ADAM28: variants seen among roughly 807,000 people sequenced by gnomAD.
ADAM28 encodes ADAM metallopeptidase domain 28, also known as disintegrin and metalloproteinase domain-containing protein 28.
Under a neutral mutation model 101.2 loss-of-function variants are expected in ADAM28, and 105 were observed. The ratio of observed to expected loss-of-function variants is 1.04; its 90% confidence interval spans 0.89 to 1.22. The LOEUF (loss-of-function observed/expected upper bound fraction) is 1.22. Among genes scored for constraint, ADAM28 ranks in the 50% most tolerant of loss-of-function variants. ADAM28 has a pLI of 0.00. For missense variants in ADAM28, 1,028 were observed against 945.4 expected, an observed-to-expected ratio of 1.09 and a Z score of -1.15; for synonymous variants, 322 against 310.6, an observed-to-expected ratio of 1.04 and a Z score of -0.39.
At position 24,354,615 on chromosome 8, in the gene ADAM28, C is replaced by CAATT. The variant is rs1816551929; in HGVS notation, c.*213_*216dup. 2 of 427,598 alleles carry CAATT rather than the reference C, an allele frequency of 4.7e-6. No individual in the cohort carries two copies. The allele number at this position is 427,598 out of a possible 1,614,324, so 26.5% of individuals were successfully genotyped here. A position where few individuals can be genotyped will look rare whatever the true frequency, so the allele number is the denominator to read the frequency against. On this transcript the variant is annotated 3_prime_UTR_variant, in exon 23 of 23. Transcript: ENST00000265769. ...GAACCTTTGCATGAATTTAAAATTT[C>CAATT]AATTATCCATTCTTATAAGAAGGAA... is the stretch of plus-strand genomic sequence containing the variant.
intron 9 of ADAM28, among the ~76,000 whole-genome samples, chr8:24,325,486 C>T (rs888171189): frequency 1.9e-4 from 29 of 151,596 alleles, no homozygotes; most frequent in African/African-American, 5.1e-4. Flanking sequence ...CCAAAATGAA[C>T]GAAATGTTAT....
chr8:24,317,963 G>A (rs1319423995), intron 6 of ADAM28, among the ~76,000 whole-genome samples: 2 of 152,154 alleles, frequency 1.3e-5, no homozygotes, highest in Non-Finnish European at 1.5e-5. Context: ...AGCAAAGAAA[G>A]GTTTGAGAAT....
At chr8:24,316,834 A>G (rs1249199866) in intron 6 of ADAM28, among the ~76,000 whole-genome samples, 1 of 152,050 alleles carries the variant, frequency 6.6e-6, no homozygotes. Flanking sequence ...ACTCCACTGA[A>G]AAACCATTAA....
intron 1 of ADAM28, among the ~76,000 whole-genome samples, chr8:24,299,174 A>C (rs1808377137): frequency 6.6e-6 from 1 of 152,212 alleles, no homozygotes; most frequent in African/African-American, 2.4e-5. Context: ...GCTTGGTGAC[A>C]GAGTGAGACA....
chr8:24,337,813 A>T (rs1814278098), intron 14 of ADAM28, among the ~76,000 whole-genome samples: 1 of 152,240 alleles, frequency 6.6e-6, no homozygotes, highest in African/African-American at 2.4e-5. Context: ...CCCACAAATC[A>T]ATTCTAATTC....
At chr8:24,325,051 C>G (rs1812359701) in intron 9 of ADAM28, 1 of 151,880 alleles carries the variant, frequency 6.6e-6, no homozygotes, top group South Asian at 2.1e-4. Context: ...AGGGGGTCAC[C>G]TTTGGGAAGC....
At position 24,326,520 on chromosome 8, in the gene ADAM28, T is replaced by C. The variant is rs150902125; in HGVS notation, c.891-34T>C. ...TCTATAAAAATAGAGCTTAGCATTA[T>C]AATTTGTTACATCAATTTATTCCTT... On this transcript the variant is annotated intron_variant, in intron 9 of 22. Transcript: ENST00000265769. The C allele has an allele frequency of 4.8e-3, 7,686 of 1,593,856 alleles. 35 individuals carry two copies. Among genetic ancestry groups the C allele is most frequent in the Non-Finnish European group, 6.0e-3 (7,011 of 1,163,354 alleles).
Position 24,351,973 on chromosome 8 carries a change from G to A in ADAM28, c.2179-14G>A, listed in dbSNP as rs199916509. On this transcript the variant is annotated splice_polypyrimidine_tract_variant and intron_variant, in intron 20 of 22. Coordinates refer to ENST00000265769, the MANE Select transcript of ADAM28 (RefSeq NM_014265.6). The stretch of plus-strand genomic sequence containing the variant: ...ACTAATGGTTCATTTTGAAATATTC[G>A]TTCTTCTTTTCAGATGAGTCAGATG... 37 of 1,612,750 alleles carry A rather than the reference G, an allele frequency of 2.3e-5. No homozygotes were observed. Among genetic ancestry groups the A allele is most frequent in the Admixed American group, 2.2e-4 (13 of 59,932 alleles).
intron 10 of ADAM28, among the ~76,000 whole-genome samples, chr8:24,329,290 T>C (rs999823901): frequency 1.3e-5 from 2 of 152,176 alleles, no homozygotes; most frequent in Non-Finnish European, 2.9e-5. Flanking sequence ...TGAGATGAAG[T>C]AGATAAGAGA....
At chr8:24,300,593 T>G (rs569917097) in intron 2 of ADAM28, among the ~76,000 whole-genome samples, 2 of 152,084 alleles carry the variant, frequency 1.3e-5, no homozygotes, top group African/African-American at 2.4e-5. Flanking sequence ...TTTTTTTGTA[T>G]TTTTAGTTGA....
chr8:24,333,995 A>C (rs1250525818), intron 13 of ADAM28, among the ~76,000 whole-genome samples: 1 of 152,134 alleles, frequency 6.6e-6, no homozygotes, highest in Non-Finnish European at 1.5e-5. Context: ...TTTATAGGGA[A>C]TGTTTGGTGT....
rs1269480217 is a variant in ADAM28 at position 24,356,563 on chromosome 8, C to T, written c.*2159C>T. The T allele has an allele frequency of 6.6e-6, 1 of 152,120 alleles. No individual in the cohort carries two copies. The highest frequency in any genetic ancestry group is 2.4e-5 in the African/African-American group (1 of 41,436). The allele number at this position is 152,120 out of a possible 1,614,324, so 9.4% of individuals were successfully genotyped here. A position where few individuals can be genotyped will look rare whatever the true frequency, so the allele number is the denominator to read the frequency against. On this transcript the variant is annotated 3_prime_UTR_variant, in exon 23 of 23. Transcript: ENST00000265769. The stretch of plus-strand genomic sequence containing the variant: ...ATTATTTTATCATAGAACTGCGAAC[C>T]CAAGTCCTACAATGTTTCCCTTTCA...
rs545452173 is a variant in ADAM28, at chr8:24,302,229, C to T, written c.150+2152C>T. ...TCCTGTGTAAGTTCACTGTGGATAA[C>T]GGCTTCCAGCTCCATCCATGTGCCT... On this transcript the variant is annotated intron_variant, in intron 2 of 22. Transcript: ENST00000265769. Among the ~76,000 whole-genome samples, 21 of 152,236 alleles carry T rather than the reference C, an allele frequency of 1.4e-4. No individual in the cohort carries two copies. The South Asian group carries it at 4.1e-3, about 30-fold the overall frequency.
At chr8:24,324,816 G>A (rs1042661265) in intron 9 of ADAM28, among the ~76,000 whole-genome samples, 1 of 152,028 alleles carries the variant, frequency 6.6e-6, no homozygotes, top group Non-Finnish European at 1.5e-5. Context: ...CTTCAATATG[G>A]CTATCTTAGA....
intron 6 of ADAM28, among the ~76,000 whole-genome samples, chr8:24,316,889 A>G (rs1811229099): frequency 6.6e-6 from 1 of 152,116 alleles, no homozygotes; most frequent in African/African-American, 2.4e-5. Flanking sequence ...TAAAATCAAC[A>G]TACAAAATCT....
intron 2 of ADAM28, among the ~76,000 whole-genome samples, chr8:24,309,349 G>C (rs1292756102): frequency 1.3e-5 from 2 of 152,116 alleles, no homozygotes; most frequent in African/African-American, 4.8e-5. Flanking sequence ...CATGAGATGT[G>C]ATAGAAGTTT....
intron 16 of ADAM28, 130 bp downstream of exon 16, chr8:24,341,887 C>G (rs1814812037): frequency 1.8e-6 from 2 of 1,088,358 alleles, no homozygotes; most frequent in African/African-American, 1.6e-5. Flanking sequence ...TTAATAGAAC[C>G]CACAGAGTTT....
chr8:24,339,226 G>C (rs1308678352), intron 14 of ADAM28, among the ~76,000 whole-genome samples: 1 of 152,092 alleles, frequency 6.6e-6, no homozygotes, highest in East Asian at 1.9e-4. Context: ...GTTTGTTACA[G>C]AGTAACAGAT....
intron 5 of ADAM28, among the ~76,000 whole-genome samples, chr8:24,311,851 A>AC (rs1232876537): frequency 3.3e-5 from 5 of 151,840 alleles, no homozygotes; most frequent in Admixed American, 3.3e-4. Flanking sequence ...TGATTCTCCT[A>AC]CCTCAGCCTC....
Sources: allele counts gnomAD v4.1 joint callset (sites outside exome capture counted in the v4.1 genomes callset), GRCh38; gene constraint gnomAD v4.1.1; transcripts MANE v1.5; gene names NCBI Gene and HGNC (gene_info 2026-07-23, HGNC 2026-07-21).